The following SVOP variants were observed in gnomAD, a reference collection of about 807,000 sequenced individuals.
The protein encoded by SVOP is synaptic vesicle 2-related protein.
A neutral mutation model predicts 69.1 loss-of-function variants in SVOP; 17 were observed. The observed-to-expected ratio is 0.25, with a 90% CI of 0.17 to 0.37. SVOP has a LOEUF of 0.37. SVOP is among the 10% of genes least tolerant of loss of function. SVOP has a pLI of 1.00. For synonymous variants in SVOP, 238 were observed against 238.6 expected, an observed-to-expected ratio of 1.00 and a Z score of 0.02; for missense variants, 435 against 597.5, an observed-to-expected ratio of 0.73 and a Z score of 2.84.
chr12:108,990,576 T>C, intron 1 of SVOP, among the ~76,000 whole-genome samples: 1 of 151,338 alleles, frequency 6.6e-6, no homozygotes, highest in Non-Finnish European at 1.5e-5. Flanking sequence ...AGTTAATAGG[T>C]GCAGCACACC....
At chr12:108,947,590 T>C (rs1464760591) in intron 6 of SVOP, among the ~76,000 whole-genome samples, 3 of 152,202 alleles carry the variant, frequency 2.0e-5, no homozygotes, top group Admixed American at 2.0e-4. Flanking sequence ...GTTTGCTTAA[T>C]GTAACCAGCA....
In SVOP at chr12:108,911,151, G is replaced by A. The variant is rs1274675369; in HGVS notation, c.*1384C>T. ...AAACATATACATTTCACACACCTGAGTCCTCCCACCCCTCTCCACTCCACG... is the reference window on the plus strand; with the variant it reads ...AAACATATACATTTCACACACCTGAATCCTCCCACCCCTCTCCACTCCACG... On this transcript the variant is annotated 3_prime_UTR_variant, in exon 16 of 16. Transcript: ENST00000610966. The A allele has an allele frequency of 6.6e-6, 1 of 152,184 alleles. No individual in the cohort carries two copies. Among genetic ancestry groups the A allele is most frequent in the East Asian group, 1.9e-4 (1 of 5,192 alleles). 9.4% of individuals were successfully genotyped at this position (152,184 alleles called of 1,614,324 possible). A position where few individuals can be genotyped will look rare whatever the true frequency, so the allele number is the denominator to read the frequency against.
intron 6 of SVOP, among the ~76,000 whole-genome samples, chr12:108,951,809 A>G (rs1001032430): frequency 1.3e-5 from 2 of 152,226 alleles, no homozygotes; most frequent in Admixed American, 6.5e-5. Flanking sequence ...CTGGTTTGCC[A>G]AAGTTGCTCC....
At chr12:108,918,007 G>T (rs542258604) in intron 14 of SVOP, 36 bp downstream of exon 14, 2 of 1,503,314 alleles carry the variant, frequency 1.3e-6, no homozygotes, top group Admixed American at 2.1e-5. Flanking sequence ...TCCCCCCACT[G>T]CCCGTTCCCC....
intron 5 of SVOP, among the ~76,000 whole-genome samples, chr12:108,963,712 G>T (rs1042517913): frequency 1.3e-5 from 2 of 151,926 alleles, no homozygotes; most frequent in Non-Finnish European, 2.9e-5. Context: ...TCGCCATGTT[G>T]CCCAGGCTGG....
intron 1 of SVOP, among the ~76,000 whole-genome samples, chr12:109,017,185 G>A (rs1038491719): frequency 2.6e-5 from 4 of 152,038 alleles, no homozygotes; most frequent in South Asian, 2.1e-4. Flanking sequence ...GAGCATTACC[G>A]CCCAAGCTCC....
intron 1 of SVOP, among the ~76,000 whole-genome samples, chr12:109,016,744 CTTT>C (rs34685990): frequency 1.0e-4 from 14 of 133,442 alleles, no homozygotes; most frequent in Non-Finnish European, 1.1e-4. Flanking sequence ...TGCATTAGTT[CTTT>C]TTTTTTTTTT....
At chr12:108,920,792 T>C (rs2039744059) in intron 12 of SVOP, among the ~76,000 whole-genome samples, 1 of 151,934 alleles carries the variant, frequency 6.6e-6, no homozygotes, top group Admixed American at 6.6e-5. Flanking sequence ...GAGATGGAGT[T>C]TCATCATTTG....
At chr12:108,965,220 G>A (rs1209198142) in intron 5 of SVOP, among the ~76,000 whole-genome samples, 3 of 152,170 alleles carry the variant, frequency 2.0e-5, no homozygotes, top group Non-Finnish European at 4.4e-5. Context: ...GTGAACAAAG[G>A]TTGTTATTTT....
chr12:108,990,946 C>G (rs888696333), intron 1 of SVOP, among the ~76,000 whole-genome samples: 2 of 152,198 alleles, frequency 1.3e-5, no homozygotes, highest in African/African-American at 4.8e-5. Flanking sequence ...CATTGCTGAT[C>G]TGGGGACTGC....
chr12:108,915,965 C>G (rs1430622816), intron 14 of SVOP, 93 bp from the exon 15 acceptor site: 9 of 1,266,760 alleles, frequency 7.1e-6, no homozygotes, highest in African/African-American at 1.5e-5. Context: ...CAGGGGCAGG[C>G]CGGAAGTCAG....
At chr12:108,939,156 T>C (rs1255615471) in intron 8 of SVOP, among the ~76,000 whole-genome samples, 1 of 152,222 alleles carries the variant, frequency 6.6e-6, no homozygotes, top group Non-Finnish European at 1.5e-5. Flanking sequence ...TGTGCTTTCA[T>C]TTCCTTCTCC....
chr12:108,971,179 A>T (rs2040076676), intron 5 of SVOP, among the ~76,000 whole-genome samples: 1 of 152,152 alleles, frequency 6.6e-6, no homozygotes, highest in South Asian at 2.1e-4. Context: ...CTGTAATCTC[A>T]GCACTTTGGG....
chr12:108,978,283 G>A, intron 3 of SVOP: 2 of 321,668 alleles, frequency 6.2e-6, no homozygotes, highest in Non-Finnish European at 1.1e-5. Context: ...TCTAGGGAGA[G>A]CTCTACAGCT....
intron 3 of SVOP, among the ~76,000 whole-genome samples, chr12:108,978,011 T>C (rs1030847787): frequency 3.9e-5 from 6 of 152,136 alleles, no homozygotes; most frequent in Admixed American, 1.3e-4. Flanking sequence ...AGGACAGACA[T>C]GGAATCTAGA....
Position 108,940,924 on chromosome 12 carries a change from T to A in SVOP, c.643-15A>T, listed in dbSNP as rs1159838731. ...GCCCAGAATACCTGGCACAGGAGAA[T>A]CAGGGTCAGTGGTGGGGGTAGCATG... On this transcript the variant is annotated splice_polypyrimidine_tract_variant and intron_variant, in intron 7 of 15. Transcript: ENST00000610966. 6.5e-7 allele frequency: 1 copy of A among 1,535,668 alleles called. No individual in the cohort carries two copies. The highest frequency in any genetic ancestry group is 2.0e-5 in the Admixed American group (1 of 50,950).
chr12:109,001,648 A>G (rs1462758755), intron 1 of SVOP, among the ~76,000 whole-genome samples: 2 of 140,824 alleles, frequency 1.4e-5, no homozygotes, highest in African/African-American at 2.7e-5. Flanking sequence ...CCTCAGAAAT[A>G]ATGCCGCATA....
chr12:108,995,674 G>A (rs2040227089), intron 1 of SVOP, among the ~76,000 whole-genome samples: 1 of 152,166 alleles, frequency 6.6e-6, no homozygotes, highest in Admixed American at 6.6e-5. Flanking sequence ...GCCCAGGAGG[G>A]CAGACCACTT....
intron 3 of SVOP, among the ~76,000 whole-genome samples, chr12:108,977,703 T>C (rs916477873): frequency 6.6e-6 from 1 of 152,236 alleles, no homozygotes; most frequent in African/African-American, 2.4e-5. Context: ...AGACATTTTA[T>C]ATTATTTTCG....
Sources: allele counts gnomAD v4.1 joint callset (sites outside exome capture counted in the v4.1 genomes callset), GRCh38; gene constraint gnomAD v4.1.1; transcripts MANE v1.5; gene names NCBI Gene and HGNC (gene_info 2026-07-23, HGNC 2026-07-21).